The following ZNF839 variants were observed in gnomAD, a reference collection of about 807,000 sequenced individuals.
ZNF839 encodes the protein zinc finger protein 839.
In ZNF839, 38 loss-of-function variants were observed where a neutral mutation model predicts 56.4. That is an observed-to-expected ratio of 0.67 (90% CI 0.52 to 0.88). ZNF839 has a LOEUF of 0.88. Among genes scored for constraint, ZNF839 ranks in the 40% least tolerant of loss-of-function variants. The probability of loss-of-function intolerance (pLI) is 0.00; values close to 1 mark genes in which losing one functional copy is unlikely to be tolerated. For synonymous variants in ZNF839, 486 were observed against 493.5 expected (o/e 0.98, Z 0.20); for missense variants, 1,091 against 1,177.6 (o/e 0.93, Z 1.08).
chr14:102,326,616 C>A lies in ZNF839; in HGVS notation c.920C>A (p.Ser307Tyr). ...GCACTCTTTGACTTATCGAGCTGCT[C>A]CCTGAGGCCCAAAAGCTTTAAGTGT... ...RHALFDLSSCSLRPKSFKCQT... is the reference protein window; with the variant it reads ...RHALFDLSSCYLRPKSFKCQT... The change falls in exon 2 of 8, where the codon TCC becomes TAC. Residue 307 changes from serine to tyrosine, a missense_variant. By Grantham distance (144) the Ser-to-Tyr change is moderately radical. Around this residue, in one of 3 missense-constraint regions of ZNF839, gnomAD observed 614 missense variants for 629.2 expected, o/e 0.98. Coordinates refer to ENST00000442396, the MANE Select transcript of ZNF839 (RefSeq NM_018335.6). This position sits in a 1 kb window ranked among gnomAD's most constrained non-coding sequence, Gnocchi z 4.3. The A allele has an allele frequency of 6.2e-7, 1 of 1,613,682 alleles. No individual in the cohort carries two copies.
At chr14:102,331,235 C>T (rs898330572) in intron 2 of ZNF839, among the ~76,000 whole-genome samples, 3 of 152,136 alleles carry the variant, frequency 2.0e-5, no homozygotes, top group Admixed American at 6.5e-5. Flanking sequence ...ATGACAGTCA[C>T]ATCAGAGAAA....
chr14:102,341,932 G>A lies in ZNF839; in HGVS notation c.2537G>A (p.Arg846Gln), dbSNP rs755669026. The A allele has an allele frequency of 4.3e-6, 7 of 1,614,048 alleles. No homozygotes were observed. The highest frequency in any genetic ancestry group is 3.3e-4 in the Middle Eastern group (2 of 6,062). The change falls in exon 8 of 8, where the codon CGG becomes CAG. Residue 846 changes from arginine (R) to glutamine (Q), a missense_variant. Transcript: ENST00000442396. ...AGAAGCCTTTCGGGGGACTTGAACC[G>A]GTTCCCCTGTGGGATGGAGGTGCAC... ...CLRSLSGDLN[R>Q]FPCGMEVHSG...
chr14:102,342,181 A>G lies in ZNF839; in HGVS notation c.*2A>G, dbSNP rs1277387386. 1 of 1,601,400 alleles carries G rather than the reference A, an allele frequency of 6.2e-7. No individual in the cohort carries two copies. Among genetic ancestry groups the G allele is most frequent in the Non-Finnish European group, 8.5e-7 (1 of 1,172,050 alleles). ...CGTGCCTGCGGATGGGCCCGCTAGAAGGAGTTCCTCTAGAAGCTGTGGAGT... is the reference window on the plus strand; with the variant it reads ...CGTGCCTGCGGATGGGCCCGCTAGAGGGAGTTCCTCTAGAAGCTGTGGAGT... On this transcript the variant is annotated 3_prime_UTR_variant, in exon 8 of 8. Transcript: ENST00000442396.
intron 5 of ZNF839, among the ~76,000 whole-genome samples, chr14:102,338,521 G>A (rs1886104359): frequency 8.2e-6 from 1 of 121,854 alleles, no homozygotes; most frequent in Non-Finnish European, 1.6e-5. Flanking sequence ...CTGAGCGACA[G>A]AGCCAGACTC....
At position 102,326,087 on chromosome 14, in the gene ZNF839, A is replaced by C; in HGVS notation, c.391A>C (p.Ser131Arg). 1 of 1,613,948 alleles carries C rather than the reference A, an allele frequency of 6.2e-7. No homozygotes were observed. Among genetic ancestry groups the C allele is most frequent in the Non-Finnish European group, 8.5e-7 (1 of 1,179,854 alleles). ...TTIQPQTARK[S>R]QLPRGNSCLV... ...AATCCAGCCCCAAACTGCAAGAAAG[A>C]GCCAGCTGCCCCGGGGGAATTCCTG... The change falls in exon 2 of 8, where the codon AGC (serine) becomes CGC (arginine). Residue 131 changes from serine to arginine, a missense_variant. This residue lies in a region of ZNF839 where 614 missense variants were observed against 629.2 expected (regional missense o/e 0.98). Transcript: ENST00000442396. The surrounding 1 kb of genome is among the most constrained non-coding windows in gnomAD (Gnocchi z 4.3).
At position 102,338,975 on chromosome 14, in the gene ZNF839, G is replaced by GC. The variant is rs1397692770; in HGVS notation, c.1797+24dup. 1.9e-6 allele frequency: 3 copies of GC among 1,614,008 alleles called. No individual in the cohort carries two copies. In the Admixed American group the frequency reaches 5.0e-5, roughly 27 times the overall value. On this transcript the variant is annotated intron_variant, in intron 6 of 7. Coordinates refer to ENST00000442396, the MANE Select transcript of ZNF839 (RefSeq NM_018335.6). ...TGAGGTGGGCATGGCTGAAGTGGGT[G>GC]CCAGGTGACTGTGCACGGTGAATTA...
At chr14:102,320,087 G>A in intron 1 of ZNF839, 34 bp downstream of exon 1, 1 of 1,166,356 alleles carries the variant, frequency 8.6e-7, no homozygotes, top group Non-Finnish European at 1.1e-6. Flanking sequence ...GGAAACTGAG[G>A]CCCGAAGGGG....
intron 5 of ZNF839, among the ~76,000 whole-genome samples, chr14:102,336,040 G>A (rs1469590968): frequency 2.0e-5 from 3 of 152,162 alleles, no homozygotes; most frequent in East Asian, 1.9e-4. Flanking sequence ...TTAGCTGGGC[G>A]TGGTGGCACA....
intron 7 of ZNF839, among the ~76,000 whole-genome samples, chr14:102,339,520 G>A (rs956292736): frequency 6.6e-5 from 10 of 152,100 alleles, no homozygotes; most frequent in African/African-American, 1.4e-4. Flanking sequence ...CGAGGTGGGC[G>A]GATCACCTGA....
intron 1 of ZNF839, among the ~76,000 whole-genome samples, chr14:102,321,860 T>C (rs1283327559): frequency 6.6e-6 from 1 of 151,978 alleles, no homozygotes; most frequent in Non-Finnish European, 1.5e-5. Context: ...TCTGGGGCGG[T>C]TGGGGGTGCA....
In ZNF839 at chr14:102,341,548, C is replaced by T; in HGVS notation, c.2153C>T (p.Ala718Val). ...GGAGAGCCTAGGAGGCTGACCCAGG[C>T]ACAGGTGGCAGCGTTTCCTGGAGAG... is the stretch of plus-strand genomic sequence containing the variant. ...QSGEPRRLTQ[A>V]QVAAFPGENA... is the part of the protein sequence containing the mutation. The change falls in exon 8 of 8, where the codon GCA (alanine) becomes GTA (valine). Residue 718 changes from alanine (A) to valine (V), a missense_variant. Physicochemically the swap from Ala to Val is moderately conservative, Grantham distance 64. Coordinates refer to ENST00000442396, the MANE Select transcript of ZNF839 (RefSeq NM_018335.6). 1 of 1,612,104 alleles carries T rather than the reference C, an allele frequency of 6.2e-7. No homozygotes were observed. Among genetic ancestry groups the T allele is most frequent in the East Asian group, 2.2e-5 (1 of 44,860 alleles).
At chr14:102,325,604 C>G (rs1272071626) in intron 1 of ZNF839, among the ~76,000 whole-genome samples, 1 of 152,038 alleles carries the variant, frequency 6.6e-6, no homozygotes, top group Non-Finnish European at 1.5e-5. Flanking sequence ...AAGCGATTCT[C>G]ATGCCTCAGC....
chr14:102,320,113 C>A, intron 1 of ZNF839, 60 bp downstream of exon 1: 1 of 1,128,040 alleles, frequency 8.9e-7, no homozygotes, highest in Non-Finnish European at 1.1e-6. Context: ...CGCCCCGCGG[C>A]GGGGTAGCTG....
chr14:102,321,150 G>A (rs543591034), intron 1 of ZNF839, among the ~76,000 whole-genome samples: 2 of 152,324 alleles, frequency 1.3e-5, no homozygotes, highest in Non-Finnish European at 2.9e-5. Context: ...TGTGACCTTG[G>A]GTAAGTCAAC....
Position 102,319,937 on chromosome 14 carries a change from C to G in ZNF839, c.172C>G (p.Pro58Ala). Reference protein sequence around the residue: ...VTKAQPPPPPPPFVLRDAARR... With the variant: ...VTKAQPPPPPAPFVLRDAARR... ...GAAGGCGCAGCCGCCGCCGCCGCCG[C>G]CCCCCTTCGTGCTGCGGGACGCGGC... Residue 58 changes from proline to alanine, a missense_variant, in exon 1 of 8, where the codon CCC becomes GCC. Physicochemically the swap from Pro to Ala is conservative, Grantham distance 27 (BLOSUM62 -1). Around this residue, in one of 3 missense-constraint regions of ZNF839, gnomAD observed 614 missense variants for 629.2 expected, o/e 0.98. Coordinates refer to ENST00000442396, the MANE Select transcript of ZNF839 (RefSeq NM_018335.6). This position sits in a 1 kb window ranked among gnomAD's most constrained non-coding sequence, Gnocchi z 4.5. The G allele has an allele frequency of 8.3e-7, 1 of 1,207,764 alleles. No individual in the cohort carries two copies. Among genetic ancestry groups the G allele is most frequent in the Non-Finnish European group, 1.0e-6 (1 of 968,712 alleles). 74.8% of individuals were successfully genotyped at this position (1,207,764 alleles called of 1,614,324 possible).
At chr14:102,324,273 G>A (rs760238630) in intron 1 of ZNF839, among the ~76,000 whole-genome samples, 8 of 152,150 alleles carry the variant, frequency 5.3e-5, no homozygotes, top group Non-Finnish European at 1.2e-4. Flanking sequence ...CGCCGGGCAC[G>A]GTGGTTCATG....
intron 1 of ZNF839, 80 bp downstream of exon 1, chr14:102,320,133 G>C (rs2073046172): frequency 7.4e-6 from 8 of 1,074,714 alleles, no homozygotes; most frequent in Middle Eastern, 4.2e-4. Flanking sequence ...GCTTGTCCGG[G>C]GAGGCCAGTA....
chr14:102,321,623 C>A (rs1183378387), intron 1 of ZNF839, among the ~76,000 whole-genome samples: 4 of 152,176 alleles, frequency 2.6e-5, no homozygotes, highest in Non-Finnish European at 4.4e-5. Context: ...CGGATGCGTA[C>A]TTTGCCCCTC....
chr14:102,328,019 C>T (rs990945190), intron 2 of ZNF839, among the ~76,000 whole-genome samples: 4 of 151,912 alleles, frequency 2.6e-5, no homozygotes, highest in South Asian at 2.1e-4. Context: ...AGGTGTGAGT[C>T]GCTATGAATT....
Sources: allele counts gnomAD v4.1 joint callset (sites outside exome capture counted in the v4.1 genomes callset), GRCh38; gene constraint gnomAD v4.1.1; regional missense constraint gnomAD v4.1.1; non-coding constraint Gnocchi (gnomAD v3.1); transcripts MANE v1.5; gene names NCBI Gene and HGNC (gene_info 2026-07-23, HGNC 2026-07-21).